The following LARP1B variants were observed in gnomAD, a reference collection of about 807,000 sequenced individuals.
LARP1B encodes La ribonucleoprotein 1B.
In LARP1B, 76 loss-of-function variants were observed where a neutral mutation model predicts 114.2. The ratio of observed to expected loss-of-function variants is 0.67; its 90% CI spans 0.55 to 0.81. The LOEUF (loss-of-function observed/expected upper bound fraction) is 0.81. Among genes scored for constraint, LARP1B ranks in the 30% least tolerant of loss-of-function variants. LARP1B has a pLI of 0.00. For missense variants in LARP1B, 1,014 were observed against 1,075.8 expected (o/e 0.94, Z 0.80); for synonymous variants, 345 against 348.0 (o/e 0.99, Z 0.10).
chr4:128,122,347 C>T lies in LARP1B; in HGVS notation c.1524+159C>T. On this transcript the variant is annotated intron_variant, in intron 11 of 19. Coordinates refer to ENST00000326639, the MANE Select transcript of LARP1B (RefSeq NM_018078.4). ...TCCTGGAAATATACCTGATAATTAC[C>T]ACCTGAGGAATCGTTTTATTTTATG... 4 of 1,457,152 alleles carry T rather than the reference C, an allele frequency of 2.7e-6. No individual in the cohort carries two copies. The South Asian group carries it at 5.8e-5, about 21-fold the overall frequency. 90.3% of individuals were successfully genotyped at this position (1,457,152 alleles called of 1,614,324 possible).
chr4:128,186,724 G>A (rs1404896677), intron 15 of LARP1B, among the ~76,000 whole-genome samples: 2 of 152,162 alleles, frequency 1.3e-5, no homozygotes, highest in African/African-American at 2.4e-5. Context: ...TAGAGGAAAG[G>A]CCAAGTGCTC....
intron 12 of LARP1B, among the ~76,000 whole-genome samples, chr4:128,175,686 C>G (rs887761992): frequency 7.2e-5 from 11 of 152,078 alleles, no homozygotes; most frequent in African/African-American, 2.4e-4. Flanking sequence ...TTTAAAGTAT[C>G]ATTATGAACT....
At position 128,145,885 on chromosome 4, in the gene LARP1B, GCCA is replaced by G. The variant is rs765170487; in HGVS notation, c.1525-16308_1525-16306del. ...GGCTGGTATTGGTTGCTCCGTCATA[GCCA>G]GAAGCAGAAGACCATACCCATTACA... On this transcript the variant is annotated intron_variant, in intron 11 of 19. Coordinates refer to ENST00000326639, the MANE Select transcript of LARP1B (RefSeq NM_018078.4). Among the ~76,000 whole-genome samples the G allele has an allele frequency of 5.1e-4, 78 of 152,280 alleles. No individual in the cohort carries two copies. In the Middle Eastern group the frequency reaches 0.01, roughly 20 times the overall value.
At chr4:128,187,541 T>C (rs988875713) in intron 15 of LARP1B, among the ~76,000 whole-genome samples, 4 of 152,266 alleles carry the variant, frequency 2.6e-5, no homozygotes, top group African/African-American at 9.6e-5. Flanking sequence ...CTACCTTGTT[T>C]TTGATTTTAC....
intron 16 of LARP1B, 27 bp downstream of exon 16, chr4:128,199,626 A>C: frequency 8.5e-7 from 1 of 1,182,052 alleles, no homozygotes; most frequent in Non-Finnish European, 1.1e-6. Flanking sequence ...TTATCTATCT[A>C]ATATATTTAA....
intron 11 of LARP1B, among the ~76,000 whole-genome samples, chr4:128,126,187 T>C (rs1433320595): frequency 6.8e-6 from 1 of 146,320 alleles, no homozygotes; most frequent in Non-Finnish European, 1.5e-5. Context: ...AGTGGCACCA[T>C]CTCAGCTCAC....
rs146790818 is a variant in LARP1B, at chr4:128,075,011, GT to G, written c.42+29del. 6.7e-3 allele frequency: 8,460 copies of G among 1,259,412 alleles called. No homozygotes were observed. The highest frequency in any genetic ancestry group is 7.4e-3 in the South Asian group (495 of 66,502). 78.0% of individuals were successfully genotyped at this position (1,259,412 alleles called of 1,614,324 possible). On this transcript the variant is annotated intron_variant, in intron 3 of 19. Transcript: ENST00000326639. ...ACACTGGAGTGAGTATTGTTTTAAAGTTTTTTTTTTTAAAGAAAGGAAAATG... is the reference window on the plus strand; with the variant it reads ...ACACTGGAGTGAGTATTGTTTTAAAGTTTTTTTTTTAAAGAAAGGAAAATG...
intron 8 of LARP1B, among the ~76,000 whole-genome samples, chr4:128,101,448 A>G (rs1003387781): frequency 2.0e-5 from 3 of 152,080 alleles, no homozygotes; most frequent in African/African-American, 7.2e-5. Context: ...GTTGGTGTAT[A>G]ATTAATGATT....
chr4:128,169,144 CT>C (rs1357844592), intron 12 of LARP1B, among the ~76,000 whole-genome samples: 1 of 151,684 alleles, frequency 6.6e-6, no homozygotes, highest in East Asian at 1.9e-4. Flanking sequence ...AAATTTGTGT[CT>C]TTTTTGTCTT....
At chr4:128,108,755 A>T in intron 9 of LARP1B, 1 of 985,236 alleles carries the variant, frequency 1.0e-6, no homozygotes, top group South Asian at 4.7e-5. Flanking sequence ...TAGCTAGCTT[A>T]TGAACATTGG....
intron 7 of LARP1B, among the ~76,000 whole-genome samples, chr4:128,096,634 T>C (rs1265627293): frequency 6.6e-6 from 1 of 151,868 alleles, no homozygotes; most frequent in Non-Finnish European, 1.5e-5. Context: ...GGAGTCTCGC[T>C]CTGTCGCCCA....
At chr4:128,203,068 T>C (rs894319775) in intron 17 of LARP1B, among the ~76,000 whole-genome samples, 2 of 152,072 alleles carry the variant, frequency 1.3e-5, no homozygotes, top group Admixed American at 1.3e-4. Flanking sequence ...CGTGGTGGCC[T>C]GCGCTTATAG....
At chr4:128,084,849 GATT>G (rs905911789) in intron 5 of LARP1B, among the ~76,000 whole-genome samples, 7 of 151,734 alleles carry the variant, frequency 4.6e-5, no homozygotes, top group South Asian at 2.1e-4. Flanking sequence ...TTACAACATT[GATT>G]ATTATTATTA....
chr4:128,216,822 CA>C (rs1363491781), downstream of LARP1B, among the ~76,000 whole-genome samples: 1 of 151,922 alleles, frequency 6.6e-6, no homozygotes, highest in Non-Finnish European at 1.5e-5. Flanking sequence ...AATAGAGACA[CA>C]AAAAACCCTT....
Position 128,069,281 on chromosome 4 carries a change from C to T in LARP1B, c.-77-5179C>T. The T allele has an allele frequency of 5.4e-6, 5 of 933,896 alleles. No homozygotes were observed. In the South Asian group the frequency reaches 6.4e-5, roughly 12 times the overall value. 57.9% of individuals were successfully genotyped at this position (933,896 alleles called of 1,614,324 possible). The stretch of plus-strand genomic sequence containing the variant: ...AATCTTCACCAACCCAGTGAGAATT[C>T]AGGACTTTTAGAGCCCCACAGTGGC... On this transcript the variant is annotated intron_variant, in intron 1 of 19. Coordinates refer to ENST00000326639, the MANE Select transcript of LARP1B (RefSeq NM_018078.4).
chr4:128,122,384 G>A (rs1460187544), intron 11 of LARP1B, 196 bp downstream of exon 11: 12 of 1,466,322 alleles, frequency 8.2e-6, no homozygotes, highest in Middle Eastern at 1.8e-4. Flanking sequence ...AAGTAACAGC[G>A]TGATGAATAC....
chr4:128,162,332 T>C lies in LARP1B; in HGVS notation c.1648+15T>C. ...GTCCAGGCAAGGTATGTAAATCTGC[T>C]TTTGTGTAAGTGTCTGAATAGTATT... On this transcript the variant is annotated intron_variant, in intron 12 of 19. Transcript: ENST00000326639. 6.2e-6 allele frequency: 10 copies of C among 1,608,588 alleles called. No individual in the cohort carries two copies. Among genetic ancestry groups the C allele is most frequent in the Non-Finnish European group, 7.6e-6 (9 of 1,177,508 alleles).
intron 11 of LARP1B, among the ~76,000 whole-genome samples, chr4:128,134,729 C>T (rs530879589): frequency 6.6e-6 from 1 of 152,284 alleles, no homozygotes; most frequent in East Asian, 1.9e-4. Context: ...ATAAAGAACT[C>T]CTACAAATCA....
intron 4 of LARP1B, among the ~76,000 whole-genome samples, chr4:128,081,074 A>G (rs998566288): frequency 2.2e-5 from 3 of 134,118 alleles, no homozygotes; most frequent in Non-Finnish European, 3.1e-5. Flanking sequence ...TTATGTATAT[A>G]TACTTTTTTT....
Sources: gnomAD v4.1 joint callset for allele counts (sites outside exome capture counted in the v4.1 genomes callset) on GRCh38, gnomAD v4.1.1 for gene constraint, MANE v1.5 for transcripts, NCBI Gene and HGNC (gene_info 2026-07-23, HGNC 2026-07-21) for gene names.